Variants in C12orf54 observed in about 807,000 individuals in gnomAD.
The protein encoded by C12orf54 is uncharacterized protein C12orf54.
A neutral mutation model predicts 26.4 loss-of-function variants in C12orf54; 24 were observed. The observed-to-expected ratio is 0.91, with a 90% CI of 0.66 to 1.28. C12orf54 has a LOEUF of 1.28. C12orf54 is among the 50% of genes most tolerant of loss of function. The pLI is 0.00. For missense variants in C12orf54, 154 were observed against 150.9 expected (o/e 1.02, Z -0.11); for synonymous variants, 54 against 47.0 (o/e 1.15, Z -0.61).
In C12orf54 at chr12:48,487,229, A is replaced by G. The variant is rs565553494; in HGVS notation, c.135+503A>G. Among the ~76,000 whole-genome samples, 16 of 152,342 alleles carry G rather than the reference A, an allele frequency of 1.1e-4. 1 individual carries two copies. In the South Asian group the frequency reaches 3.1e-3, roughly 30 times the overall value. On this transcript the variant is annotated intron_variant, in intron 4 of 8. Coordinates refer to ENST00000548364, the MANE Select transcript of C12orf54 (RefSeq NM_152319.4). ...TCTTCACATAAATACCAGCTACTTC[A>G]ACATCCCAATCTTACCATATTAGTT...
chr12:48,474,709 G>C, the C12orf54 span, among the ~76,000 whole-genome samples: 2 of 152,270 alleles, frequency 1.3e-5, no homozygotes, highest in African/African-American at 2.4e-5. Flanking sequence ...GCCCGCCATT[G>C]CCAAGTTAGT....
upstream of C12orf54, among the ~76,000 whole-genome samples, chr12:48,478,261 G>A (rs1377541342): frequency 2.0e-5 from 3 of 152,104 alleles, no homozygotes; most frequent in African/African-American, 7.2e-5. Context: ...AATAATAAGA[G>A]CTATCTATGA....
the C12orf54 span, among the ~76,000 whole-genome samples, chr12:48,428,020 C>T: frequency 1.3e-5 from 2 of 152,142 alleles, no homozygotes; most frequent in East Asian, 3.9e-4. Flanking sequence ...CAAAAGGAAC[C>T]TTCAAAACCA....
the C12orf54 span, among the ~76,000 whole-genome samples, chr12:48,414,156 C>T: frequency 3.9e-5 from 6 of 152,326 alleles, no homozygotes; most frequent in African/African-American, 1.2e-4. Context: ...ATTTGGCAGG[C>T]GCTTTCTGCT....
chr12:48,424,191 T>C, the C12orf54 span, among the ~76,000 whole-genome samples: 4 of 152,124 alleles, frequency 2.6e-5, no homozygotes, highest in African/African-American at 9.7e-5. Flanking sequence ...ATTCTTGGAG[T>C]AAATCCCATC....
the C12orf54 span, among the ~76,000 whole-genome samples, chr12:48,414,773 G>T: frequency 6.6e-6 from 1 of 152,146 alleles, no homozygotes; most frequent in Non-Finnish European, 1.5e-5. Flanking sequence ...CACTTTTGTG[G>T]TCTAGGGAAA....
chr12:48,428,309 T>C, the C12orf54 span, among the ~76,000 whole-genome samples: 1 of 144,862 alleles, frequency 6.9e-6, no homozygotes, highest in Non-Finnish European at 1.5e-5. Context: ...AGAAAGGAAA[T>C]AACCAAGATC....
the C12orf54 span, among the ~76,000 whole-genome samples, chr12:48,445,873 A>T: frequency 6.6e-6 from 1 of 152,178 alleles, no homozygotes; most frequent in Non-Finnish European, 1.5e-5. Context: ...GCAGACCAAA[A>T]CATCTTAGGT....
the C12orf54 span, among the ~76,000 whole-genome samples, chr12:48,418,226 G>T: frequency 5.9e-5 from 9 of 152,290 alleles, no homozygotes; most frequent in African/African-American, 2.2e-4. Context: ...GTATAAAATG[G>T]TACAGGGAAG....
chr12:48,446,987 C>A, the C12orf54 span, among the ~76,000 whole-genome samples: 1 of 152,052 alleles, frequency 6.6e-6, no homozygotes, highest in African/African-American at 2.4e-5. Context: ...CCTTGAAGTC[C>A]TCCTTTTAAA....
At chr12:48,469,228 G>A in the C12orf54 span, among the ~76,000 whole-genome samples, 12 of 152,170 alleles carry the variant, frequency 7.9e-5, no homozygotes, top group South Asian at 2.1e-4. Flanking sequence ...GCCTGGGGGC[G>A]CTGCAGGAGA....
At chr12:48,436,851 G>A in the C12orf54 span, among the ~76,000 whole-genome samples, 7 of 152,036 alleles carry the variant, frequency 4.6e-5, no homozygotes, top group African/African-American at 1.4e-4. Flanking sequence ...AAGAACTAGA[G>A]AAGCAAGAGC....
the C12orf54 span, among the ~76,000 whole-genome samples, chr12:48,440,156 C>T: frequency 1.1e-3 from 172 of 151,156 alleles, no homozygotes; most frequent in African/African-American, 3.7e-3. Context: ...ACCTGGGAGG[C>T]GGAGGTTGCA....
chr12:48,418,521 G>A, the C12orf54 span, among the ~76,000 whole-genome samples: 2 of 152,198 alleles, frequency 1.3e-5, no homozygotes, highest in African/African-American at 4.8e-5. Context: ...TTTAGTCTGT[G>A]TAAAAAGAGA....
the C12orf54 span, among the ~76,000 whole-genome samples, chr12:48,423,380 T>C: frequency 2.6e-5 from 4 of 152,206 alleles, no homozygotes; most frequent in East Asian, 7.7e-4. Context: ...GATAAGATAT[T>C]TGACATTCCA....
chr12:48,479,150 G>A (rs966535127), upstream of C12orf54, among the ~76,000 whole-genome samples: 3 of 152,116 alleles, frequency 2.0e-5, no homozygotes, highest in Non-Finnish European at 4.4e-5. Flanking sequence ...AAGAAAATGT[G>A]GCACATATGC....
At chr12:48,494,754 G>A (rs765551354) in intron 7 of C12orf54, 44 bp from the exon 8 acceptor site, 1 of 1,596,152 alleles carries the variant, frequency 6.3e-7, no homozygotes, top group Non-Finnish European at 8.6e-7. Flanking sequence ...GAAAGGGTAA[G>A]ATCTCTTTCC....
chr12:48,475,961 G>C, the C12orf54 span, among the ~76,000 whole-genome samples: 1 of 151,644 alleles, frequency 6.6e-6, no homozygotes, highest in Admixed American at 6.6e-5. Context: ...CACCAAAGTT[G>C]AAATGAAGGA....
the C12orf54 span, among the ~76,000 whole-genome samples, chr12:48,414,084 G>T: frequency 2.0e-5 from 3 of 152,182 alleles, no homozygotes; most frequent in Admixed American, 6.5e-5. Context: ...TTGATAAAGC[G>T]ACAAACTGTT....
Sources: allele counts gnomAD v4.1 joint callset (sites outside exome capture counted in the v4.1 genomes callset), GRCh38; gene constraint gnomAD v4.1.1; transcripts MANE v1.5; gene names NCBI Gene and HGNC (gene_info 2026-07-23, HGNC 2026-07-21).